The following C1orf52 variants were observed in gnomAD, a reference collection of about 807,000 sequenced individuals.
The protein encoded by C1orf52 is UPF0690 protein C1orf52.
Under a neutral mutation model 17.2 loss-of-function variants are expected in C1orf52, and 5 were observed. The ratio of observed to expected loss-of-function variants is 0.29; its 90% CI spans 0.15 to 0.61. The LOEUF (loss-of-function observed/expected upper bound fraction) is 0.61. C1orf52 is among the 20% of genes least tolerant of loss of function. The pLI, the probability that C1orf52 is intolerant of heterozygous loss-of-function variation, is 0.85. For missense variants in C1orf52, 245 were observed against 234.1 expected, an observed-to-expected ratio of 1.05 and a Z score of -0.30; for synonymous variants, 110 against 88.0, an observed-to-expected ratio of 1.25 and a Z score of -1.40.
intron 2 of C1orf52, among the ~76,000 whole-genome samples, chr1:85,254,916 C>A (rs1659894097): frequency 1.3e-5 from 2 of 152,270 alleles, no homozygotes; most frequent in South Asian, 2.1e-4. Context: ...AACTGGCTAT[C>A]AGTGATTTGA....
intron 2 of C1orf52, among the ~76,000 whole-genome samples, chr1:85,258,141 AG>A (rs1479811827): frequency 1.3e-5 from 2 of 148,232 alleles, no homozygotes; most frequent in Non-Finnish European, 3.0e-5. Context: ...AAAAAAAAAA[AG>A]AAAAAGAAGA....
At position 85,259,479 on chromosome 1, in the gene C1orf52, G is replaced by A. The variant is rs1012269973; in HGVS notation, c.155C>T (p.Ala52Val). 3 of 1,613,800 alleles carry A rather than the reference G, an allele frequency of 1.9e-6. No individual in the cohort carries two copies. The highest frequency in any genetic ancestry group is 1.7e-5 in the Admixed American group (1 of 60,006). The change falls in exon 1 of 3, where the codon GCG (alanine) becomes GTG (valine). Residue 52 changes from alanine (A) to valine (V), a missense_variant. Ala to Val is a moderately conservative substitution (Grantham distance 64, BLOSUM62 0). Transcript: ENST00000471115. ...GTCAGGTCCCGGGAGCCGCTTCTCC[G>A]CCTTGTTCCTACAGCCGCCCGCCGA... ...AKSAGGCRNK[A>V]EKRLPGPDEL...
chr1:85,250,681 T>G lies in C1orf52; in HGVS notation c.*1948A>C, dbSNP rs998193364. ...AAAAAAGTTTGCTTTCATGCTAACT[T>G]AAGAACCTTGCAATATTTCAGTAAC... is the stretch of plus-strand genomic sequence containing the variant. On this transcript the variant is annotated 3_prime_UTR_variant, in exon 3 of 3. Transcript: ENST00000471115. 1 of 152,222 alleles carries G rather than the reference T, an allele frequency of 6.6e-6. No homozygotes were observed. Among genetic ancestry groups the G allele is most frequent in the African/African-American group, 2.4e-5 (1 of 41,462 alleles). 9.4% of individuals were successfully genotyped at this position (152,222 alleles called of 1,614,324 possible).
At chr1:85,256,351 T>C (rs1659936276) in intron 2 of C1orf52, among the ~76,000 whole-genome samples, 1 of 152,224 alleles carries the variant, frequency 6.6e-6, no homozygotes, top group East Asian at 1.9e-4. Context: ...GAGTAATAAA[T>C]TAGAAAACTG....
At chr1:85,254,218 T>C (rs952219210) in intron 2 of C1orf52, among the ~76,000 whole-genome samples, 8 of 152,342 alleles carry the variant, frequency 5.3e-5, no homozygotes, top group African/African-American at 1.9e-4. Flanking sequence ...GTTATTCATA[T>C]GCTTCACAGA....
intron 2 of C1orf52, among the ~76,000 whole-genome samples, chr1:85,254,184 C>A (rs1019432747): frequency 6.6e-6 from 1 of 152,142 alleles, no homozygotes; most frequent in African/African-American, 2.4e-5. Context: ...CATCTTCACT[C>A]CCCTTCAAGC....
rs976428890 is a variant in C1orf52, at chr1:85,251,249, T to C, written c.*1380A>G. On this transcript the variant is annotated 3_prime_UTR_variant, in exon 3 of 3. Coordinates refer to ENST00000471115, the MANE Select transcript of C1orf52 (RefSeq NM_198077.4). ...TATTTTTTGTAAAGATGAGGTCTTA[T>C]CATGTTGTCTAGGCTGGTCTCCAAC... 6.6e-6 allele frequency: 1 copy of C among 152,202 alleles called. No homozygotes were observed. Among genetic ancestry groups the C allele is most frequent in the East Asian group, 1.9e-4 (1 of 5,196 alleles). The allele number at this position is 152,202 out of a possible 1,614,324, so 9.4% of individuals were successfully genotyped here.
Position 85,258,682 on chromosome 1 carries a change from G to A in C1orf52, c.317C>T (p.Pro106Leu). 6.2e-7 allele frequency: 1 copy of A among 1,609,614 alleles called. No homozygotes were observed. The highest frequency in any genetic ancestry group is 8.5e-7 in the Non-Finnish European group (1 of 1,178,220). ...EFKIWKSNYVPPPETYTTEKK... is the reference protein window; with the variant it reads ...EFKIWKSNYVLPPETYTTEKK... ...CTCAGTGGTGTAGGTCTCAGGAGGTGGTACATAATTTGACTTCCATATTTT... is the reference window on the plus strand; with the variant it reads ...CTCAGTGGTGTAGGTCTCAGGAGGTAGTACATAATTTGACTTCCATATTTT... Residue 106 changes from proline to leucine, a missense_variant, in exon 2 of 3, where the codon CCA (proline) becomes CTA (leucine). Physicochemically the swap from Pro to Leu is moderately conservative, Grantham distance 98. Coordinates refer to ENST00000471115, the MANE Select transcript of C1orf52 (RefSeq NM_198077.4).
In C1orf52 at chr1:85,251,239, T is replaced by A. The variant is rs1391442437; in HGVS notation, c.*1390A>T. ...CTTTCTAAATTATTTTTTGTAAAGA[T>A]GAGGTCTTATCATGTTGTCTAGGCT... is the stretch of plus-strand genomic sequence containing the variant. On this transcript the variant is annotated 3_prime_UTR_variant, in exon 3 of 3. Transcript: ENST00000471115. 2 of 152,250 alleles carry A rather than the reference T, an allele frequency of 1.3e-5. No individual in the cohort carries two copies. The highest frequency in any genetic ancestry group is 3.9e-4 in the East Asian group (2 of 5,194). The allele number at this position is 152,250 out of a possible 1,614,324, so 9.4% of individuals were successfully genotyped here.
Position 85,259,520 on chromosome 1 carries a change from G to T in C1orf52, c.114C>A (p.Thr38=). Residue 38 remains threonine, a synonymous_variant, in exon 1 of 3, where the codon ACC becomes ACA. Coordinates refer to ENST00000471115, the MANE Select transcript of C1orf52 (RefSeq NM_198077.4). ...CGCCCGCCGACTTCGCCGGATCCGG[G>T]GTTCTGCGACTCGTCTCCTCCGGCT... ...NIEPEETSRR[T]PDPAKSAGGC... 1 of 1,613,912 alleles carries T rather than the reference G, an allele frequency of 6.2e-7. No homozygotes were observed. Among genetic ancestry groups the T allele is most frequent in the South Asian group, 1.1e-5 (1 of 91,066 alleles).
At chr1:85,256,655 T>C (rs544997606) in intron 2 of C1orf52, among the ~76,000 whole-genome samples, 112 of 151,468 alleles carry the variant, frequency 7.4e-4, no homozygotes, top group African/African-American at 2.6e-3. Context: ...AAAAATTAGC[T>C]GGGTGTGATG....
intron 2 of C1orf52, among the ~76,000 whole-genome samples, chr1:85,254,577 G>A (rs1022125852): frequency 6.6e-5 from 10 of 152,064 alleles, no homozygotes; most frequent in Admixed American, 1.3e-4. Flanking sequence ...ATTTTTAGTA[G>A]AGACGGGGTT....
At chr1:85,255,072 A>AT (rs1412929990) in intron 2 of C1orf52, among the ~76,000 whole-genome samples, 5 of 152,166 alleles carry the variant, frequency 3.3e-5, no homozygotes, top group Non-Finnish European at 7.4e-5. Context: ...TAAGGAAACA[A>AT]TTTTTTTATT....
In C1orf52 at chr1:85,252,524, T is replaced by C. The variant is rs1222149946; in HGVS notation, c.*105A>G. On this transcript the variant is annotated 3_prime_UTR_variant, in exon 3 of 3. Transcript: ENST00000471115. ...CAATACTTATTAGTTCATTAACGTA[T>C]GCATTTTCATGGAGATGTGGCATAA... The C allele has an allele frequency of 5.9e-6, 5 of 851,078 alleles. No homozygotes were observed. Among genetic ancestry groups the C allele is most frequent in the African/African-American group, 1.7e-5 (1 of 58,956 alleles). The allele number at this position is 851,078 out of a possible 1,614,324, so 52.7% of individuals were successfully genotyped here.
In C1orf52 at chr1:85,250,346, C is replaced by T. The variant is rs567366048; in HGVS notation, c.*2283G>A. On this transcript the variant is annotated 3_prime_UTR_variant, in exon 3 of 3. Coordinates refer to ENST00000471115, the MANE Select transcript of C1orf52 (RefSeq NM_198077.4). Reference sequence around the variant, plus strand: ...ACTCGATTCTCTAAAATGAAAGATACTTGGACAGATGATTTTTCTTATGTA... The same window carrying T: ...ACTCGATTCTCTAAAATGAAAGATATTTGGACAGATGATTTTTCTTATGTA... 1.3e-5 allele frequency: 2 copies of T among 152,288 alleles called. No homozygotes were observed. Among genetic ancestry groups the T allele is most frequent in the East Asian group, 3.9e-4 (2 of 5,184 alleles). 9.4% of individuals were successfully genotyped at this position (152,288 alleles called of 1,614,324 possible). A position where few individuals can be genotyped will look rare whatever the true frequency, so the allele number is the denominator to read the frequency against.
chr1:85,254,395 C>CT (rs71585148), intron 2 of C1orf52, among the ~76,000 whole-genome samples: 34,908 of 145,734 alleles, frequency 0.24, 4,557 homozygotes, highest in African/African-American at 0.35. Flanking sequence ...AAACGTTTTG[C>CT]TTTTTTTTTT....
At position 85,259,157 on chromosome 1, in the gene C1orf52, G is replaced by A. The variant is rs1035655870; in HGVS notation, c.276+201C>T. ...AGGTTTGGGTCTCCTCACAAGGGGC[G>A]GGGCTGCGGGTCCGGTCTAACACCC... is the stretch of plus-strand genomic sequence containing the variant. On this transcript the variant is annotated intron_variant, in intron 1 of 2. Transcript: ENST00000471115. 4.3e-6 allele frequency: 5 copies of A among 1,151,732 alleles called. No individual in the cohort carries two copies. In the East Asian group the frequency reaches 8.0e-5, roughly 18 times the overall value. 71.3% of individuals were successfully genotyped at this position (1,151,732 alleles called of 1,614,324 possible). A position where few individuals can be genotyped will look rare whatever the true frequency, so the allele number is the denominator to read the frequency against.
At position 85,258,606 on chromosome 1, in the gene C1orf52, T is replaced by C. The variant is rs200190211; in HGVS notation, c.393A>G (p.Ile131Met). 26 of 1,614,196 alleles carry C rather than the reference T, an allele frequency of 1.6e-5. No individual in the cohort carries two copies. In the African/African-American group the frequency reaches 2.4e-4, roughly 15 times the overall value. ...ELDMAIKWSN[I>M]YEDNGDDAPQ... Reference sequence around the variant, plus strand: ...GAGCATCATCACCATTGTCCTCATATATGTTAGACCATTTTATTGCCATGT... The same window carrying C: ...GAGCATCATCACCATTGTCCTCATACATGTTAGACCATTTTATTGCCATGT... Residue 131 changes from isoleucine (I) to methionine (M), a missense_variant, in exon 2 of 3, where the codon ATA becomes ATG. Transcript: ENST00000471115.
rs1291219016 is a variant in C1orf52 at position 85,250,317 on chromosome 1, A to C, written c.*2312T>G. ...GTGCAGGAAACAATCAGAAGTATCA[A>C]GTGACTCGATTCTCTAAAATGAAAG... On this transcript the variant is annotated 3_prime_UTR_variant, in exon 3 of 3. Coordinates refer to ENST00000471115, the MANE Select transcript of C1orf52 (RefSeq NM_198077.4). 6.6e-6 allele frequency: 1 copy of C among 152,208 alleles called. No individual in the cohort carries two copies. Among genetic ancestry groups the C allele is most frequent in the Non-Finnish European group, 1.5e-5 (1 of 68,044 alleles). 9.4% of individuals were successfully genotyped at this position (152,208 alleles called of 1,614,324 possible).
Sources: gnomAD v4.1 joint callset for allele counts (sites outside exome capture counted in the v4.1 genomes callset) on GRCh38, gnomAD v4.1.1 for gene constraint, MANE v1.5 for transcripts, NCBI Gene and HGNC (gene_info 2026-07-23, HGNC 2026-07-21) for gene names.